DNAH8: variants seen among roughly 807,000 people sequenced by gnomAD.
DNAH8 encodes axonemal beta dynein heavy chain 8.
A neutral mutation model predicts 562.1 loss-of-function variants in DNAH8; 382 were observed. That is an observed-to-expected ratio of 0.68 (90% CI 0.63 to 0.74). The LOEUF is 0.74. DNAH8 is among the 30% of genes least tolerant of loss of function. The pLI is 0.00. For missense variants in DNAH8, 5,203 were observed against 5,620.4 expected (o/e 0.93, Z 2.37); for synonymous variants, 1,881 against 1,919.4 (o/e 0.98, Z 0.52).
chr6:39,002,635 C>T (rs1017932536), intron 88 of DNAH8, among the ~76,000 whole-genome samples: 7 of 152,026 alleles, frequency 4.6e-5, no homozygotes, highest in Non-Finnish European at 8.8e-5. Context: ...TGGGATATTC[C>T]AAATCCCCAA....
chr6:38,938,876 T>G lies in DNAH8; in HGVS notation c.11895T>G (p.Ser3965=). 2 of 1,613,426 alleles carry G rather than the reference T, an allele frequency of 1.2e-6. No individual in the cohort carries two copies. The highest frequency in any genetic ancestry group is 3.3e-5 in the Admixed American group (2 of 60,008). ...TGACATATGAAGTTTTTACATACTC[T>G]GTCAGAGGCCTATACGAAAACCACA... is the stretch of plus-strand genomic sequence containing the variant. ...EYLTYEVFTY[S]VRGLYENHKF... Residue 3965 remains serine (S), a synonymous_variant, in exon 79 of 93, where the codon TCT becomes TCG. Transcript: ENST00000327475.
chr6:38,815,598 G>A lies in DNAH8; in HGVS notation c.3464G>A (p.Ser1155Asn), dbSNP rs2150320910. 1.2e-6 allele frequency: 2 copies of A among 1,613,956 alleles called. No individual in the cohort carries two copies. Among genetic ancestry groups the A allele is most frequent in the Non-Finnish European group, 8.5e-7 (1 of 1,179,930 alleles). ...QIRPIKSVIP[S>N]PTTTDVTHQN... The stretch of plus-strand genomic sequence containing the variant: ...CGTCCCATCAAGTCTGTCATTCCCA[G>A]CCCCACCACTACTGACGTGACCCAT... The change falls in exon 26 of 93, where the codon AGC becomes AAC. Residue 1155 changes from serine (S) to asparagine (N), a missense_variant. Coordinates refer to ENST00000327475, the MANE Select transcript of DNAH8 (RefSeq NM_001206927.2).
chr6:38,966,279 A>T (rs944371757), intron 82 of DNAH8, among the ~76,000 whole-genome samples: 8 of 152,202 alleles, frequency 5.3e-5, no homozygotes, highest in African/African-American at 1.9e-4. Flanking sequence ...TAACTATTGA[A>T]ACTGACTCAA....
chr6:38,715,961 T>TATATA (rs1491204029), intron 1 of DNAH8, among the ~76,000 whole-genome samples: 62 of 19,992 alleles, frequency 3.1e-3, no homozygotes, highest in Non-Finnish European at 4.9e-3. Context: ...TATATATATA[T>TATATA]TTTTTTTTTT....
intron 59 of DNAH8, 145 bp downstream of exon 59, chr6:38,895,009 A>G: frequency 2.7e-6 from 2 of 745,096 alleles, no homozygotes; most frequent in Non-Finnish European, 2.0e-6. Flanking sequence ...GCTGACCACA[A>G]CCTCTGCCTC....
intron 91 of DNAH8, among the ~76,000 whole-genome samples, chr6:39,012,843 A>G (rs2150774114): frequency 6.6e-6 from 1 of 152,352 alleles, no homozygotes; most frequent in East Asian, 1.9e-4. Flanking sequence ...TCAATTCTTT[A>G]CAATGTGGTA....
At chr6:38,763,068 A>C (rs1052196699) in intron 11 of DNAH8, 18 of 375,642 alleles carry the variant, frequency 4.8e-5, no homozygotes, top group Non-Finnish European at 8.3e-5. Context: ...TTAAAACATC[A>C]TGGAAAGCAG....
intron 80 of DNAH8, among the ~76,000 whole-genome samples, chr6:38,948,531 G>T (rs1761617081): frequency 6.6e-6 from 1 of 151,982 alleles, no homozygotes; most frequent in Non-Finnish European, 1.5e-5. Flanking sequence ...TAGAGACAGG[G>T]TTTCTCCATG....
intron 53 of DNAH8, among the ~76,000 whole-genome samples, chr6:38,880,089 A>C (rs758666956): frequency 3.9e-4 from 59 of 152,022 alleles, no homozygotes; most frequent in African/African-American, 9.9e-4. Context: ...CTAAAAAAAA[A>C]CAAAAAAATT....
In DNAH8 at chr6:38,778,440, A is replaced by G. The variant is rs1394421241; in HGVS notation, c.2015A>G (p.Gln672Arg). The change falls in exon 14 of 93, where the codon CAG (glutamine) becomes CGG (arginine). Residue 672 changes from glutamine to arginine, a missense_variant. Gln to Arg is a conservative substitution (Grantham distance 43, BLOSUM62 1). Coordinates refer to ENST00000327475, the MANE Select transcript of DNAH8 (RefSeq NM_001206927.2). Reference sequence around the variant, plus strand: ...AGTTTTGGGAAAATCTTATCTTCTCAGCAGGCTCTTCAGCTACTTCAAAGG... The same window carrying G: ...AGTTTTGGGAAAATCTTATCTTCTCGGCAGGCTCTTCAGCTACTTCAAAGG... ...NSSFGKILSS[Q>R]QALQLLQRFQ... 2.5e-6 allele frequency: 4 copies of G among 1,597,162 alleles called. No homozygotes were observed. The highest frequency in any genetic ancestry group is 3.4e-6 in the Non-Finnish European group (4 of 1,166,346).
At chr6:38,987,931 A>T (rs1764509109) in intron 87 of DNAH8, among the ~76,000 whole-genome samples, 1 of 152,194 alleles carries the variant, frequency 6.6e-6, no homozygotes. Flanking sequence ...GAAAGGCTGC[A>T]CAAAAGCCTC....
chr6:38,998,787 G>C (rs1765302567), intron 88 of DNAH8, among the ~76,000 whole-genome samples: 1 of 152,152 alleles, frequency 6.6e-6, no homozygotes, highest in African/African-American at 2.4e-5. Context: ...TTACTCTAAA[G>C]AGAAATTTTC....
chr6:38,930,584 A>C (rs1469078911), intron 75 of DNAH8, among the ~76,000 whole-genome samples: 4 of 152,154 alleles, frequency 2.6e-5, no homozygotes, highest in Non-Finnish European at 4.4e-5. Context: ...TAGTGTTCTG[A>C]AGGTTAGCAT....
At chr6:38,915,833 AATACACACACACACACAC>A (rs1477479706) in intron 68 of DNAH8, among the ~76,000 whole-genome samples, 1 of 131,222 alleles carries the variant, frequency 7.6e-6, no homozygotes, top group Non-Finnish European at 1.7e-5. Flanking sequence ...CTCTATATAT[AATACACACACACACACAC>A]ATACACACAC....
chr6:38,884,387 G>A (rs1778757731), intron 56 of DNAH8, among the ~76,000 whole-genome samples: 1 of 152,054 alleles, frequency 6.6e-6, no homozygotes, highest in Admixed American at 6.6e-5. Flanking sequence ...CCACCTCCCG[G>A]GCTCAAGCAA....
At chr6:38,939,075 A>T (rs907864408) in intron 79 of DNAH8, 87 bp downstream of exon 79, 1 of 1,012,880 alleles carries the variant, frequency 9.9e-7, no homozygotes, top group Non-Finnish European at 1.4e-6. Flanking sequence ...TTTCTGTGAT[A>T]CAGTAGGGAA....
intron 9 of DNAH8, among the ~76,000 whole-genome samples, chr6:38,751,580 A>G (rs1192922907): frequency 3.9e-5 from 6 of 152,336 alleles, no homozygotes; most frequent in South Asian, 2.1e-4. Context: ...GGGATGCAGG[A>G]CAGAACCCAT....
At chr6:38,829,134 T>C (rs1452174746) in intron 30 of DNAH8, among the ~76,000 whole-genome samples, 1 of 152,224 alleles carries the variant, frequency 6.6e-6, no homozygotes, top group Non-Finnish European at 1.5e-5. Context: ...TTGTATATCT[T>C]ATTTGGAGAG....
intron 10 of DNAH8, among the ~76,000 whole-genome samples, chr6:38,759,128 C>A (rs994317992): frequency 1.3e-5 from 2 of 152,000 alleles, no homozygotes; most frequent in Non-Finnish European, 2.9e-5. Context: ...CATAGAGAGA[C>A]CTTGGCTCTA....
Sources: gnomAD v4.1 joint callset for allele counts (sites outside exome capture counted in the v4.1 genomes callset) on GRCh38, gnomAD v4.1.1 for gene constraint, MANE v1.5 for transcripts, NCBI Gene and HGNC (gene_info 2026-07-23, HGNC 2026-07-21) for gene names.